NABP1: variants seen among roughly 807,000 people sequenced by gnomAD.
NABP1 encodes the protein SOSS complex subunit B2.
NABP1 carries 18 observed loss-of-function variants against 25.0 expected under a neutral mutation model. The ratio of observed to expected loss-of-function variants is 0.72; its 90% confidence interval spans 0.50 to 1.07. NABP1 has a LOEUF of 1.07. Among genes scored for constraint, NABP1 ranks in the 50% least tolerant of loss-of-function variants. NABP1 has a pLI of 0.00. For missense variants in NABP1, 270 were observed against 255.6 expected (o/e 1.06, Z -0.39); for synonymous variants, 71 against 85.0 (o/e 0.84, Z 0.91).
chr2:191,686,850 CTT>C lies in NABP1; in HGVS notation c.*1083_*1084del. 6.5e-6 allele frequency: 1 copy of C among 152,776 alleles called. No homozygotes were observed. Among genetic ancestry groups the C allele is most frequent in the South Asian group, 2.1e-4 (1 of 4,826 alleles). The allele number at this position is 152,776 out of a possible 1,614,324, so 9.5% of individuals were successfully genotyped here. A position where few individuals can be genotyped will look rare whatever the true frequency, so the allele number is the denominator to read the frequency against. ...ATGTACATGTCATAAGTGGTACCCA[CTT>C]CCCCTTTTTACTGTAGGGTGGATAA... is the stretch of plus-strand genomic sequence containing the variant. On this transcript the variant is annotated 3_prime_UTR_variant, in exon 6 of 6. Coordinates refer to ENST00000425611, the MANE Select transcript of NABP1 (RefSeq NM_001031716.5).
Position 191,685,694 on chromosome 2 carries a change from G to A in NABP1, c.541G>A (p.Gly181Arg). 6.2e-7 allele frequency: 1 copy of A among 1,614,032 alleles called. No homozygotes were observed. The highest frequency in any genetic ancestry group is 1.3e-5 in the African/African-American group (1 of 75,022). Residue 181 changes from glycine to arginine, a missense_variant, in exon 6 of 6, where the codon GGA (glycine) becomes AGA (arginine). Physicochemically the swap from Gly to Arg is moderately radical, Grantham distance 125. Transcript: ENST00000425611. The stretch of plus-strand genomic sequence containing the variant: ...GGGACTTATAAATCCACAACTACAA[G>A]GAACAGCTAGTAATCAAACAGTGAT... ...GRGLINPQLQ[G>R]TASNQTVMTT...
Position 191,685,731 on chromosome 2 carries a change from G to C in NABP1, c.578G>C (p.Ser193Thr). The change falls in exon 6 of 6, where the codon AGT becomes ACT. Residue 193 changes from serine (S) to threonine (T), a missense_variant. Ser to Thr is a moderately conservative substitution (Grantham distance 58). Coordinates refer to ENST00000425611, the MANE Select transcript of NABP1 (RefSeq NM_001031716.5). ...ASNQTVMTTI[S>T]NGRDPRRAFK... The stretch of plus-strand genomic sequence containing the variant: ...AATCAAACAGTGATGACCACAATAA[G>C]TAATGGCAGGGACCCTCGGAGAGCC... 2.5e-6 allele frequency: 4 copies of C among 1,614,100 alleles called. No individual in the cohort carries two copies. The highest frequency in any genetic ancestry group is 3.4e-6 in the Non-Finnish European group (4 of 1,179,994).
chr2:191,680,861 A>G (rs1687668218), intron 2 of NABP1, among the ~76,000 whole-genome samples: 3 of 152,176 alleles, frequency 2.0e-5, no homozygotes, highest in Admixed American at 1.3e-4. Context: ...TACCAAAACA[A>G]CACACTCAGC....
intron 2 of NABP1, among the ~76,000 whole-genome samples, 198 bp from the exon 3 acceptor site, chr2:191,681,748 G>A (rs1020354101): frequency 1.3e-5 from 2 of 152,022 alleles, no homozygotes; most frequent in South Asian, 2.1e-4. Flanking sequence ...GTCAAAATTC[G>A]ACAGAATTTT....
Position 191,685,610 on chromosome 2 carries a change from C to T in NABP1, c.457C>T (p.His153Tyr), listed in dbSNP as rs1323748239. 1.2e-6 allele frequency: 2 copies of T among 1,611,898 alleles called. No individual in the cohort carries two copies. Among genetic ancestry groups the T allele is most frequent in the Non-Finnish European group, 8.5e-7 (1 of 1,178,830 alleles). The change falls in exon 6 of 6, where the codon CAC becomes TAC. Residue 153 changes from histidine to tyrosine, a missense_variant. Physicochemically the swap from His to Tyr is moderately conservative, Grantham distance 83. Transcript: ENST00000425611. Reference protein sequence around the residue: ...GTFGPVGNGVHTGPESREHQF... With the variant: ...GTFGPVGNGVYTGPESREHQF... Reference sequence around the variant, plus strand: ...GTATTCTTTTTTAGGAAATGGTGTTCACACTGGCCCTGAATCAAGGGAACA... The same window carrying T: ...GTATTCTTTTTTAGGAAATGGTGTTTACACTGGCCCTGAATCAAGGGAACA...
Position 191,686,374 on chromosome 2 carries a change from T to C in NABP1, c.*606T>C, listed in dbSNP as rs1052451829. ...AGAATGTGATCTCTATTGCAACAAGTAATTTTAAAAGAAAGCTACATTTAT... is the reference window on the plus strand; with the variant it reads ...AGAATGTGATCTCTATTGCAACAAGCAATTTTAAAAGAAAGCTACATTTAT... On this transcript the variant is annotated 3_prime_UTR_variant, in exon 6 of 6. Coordinates refer to ENST00000425611, the MANE Select transcript of NABP1 (RefSeq NM_001031716.5). 6.6e-6 allele frequency: 1 copy of C among 152,234 alleles called. No individual in the cohort carries two copies. Among genetic ancestry groups the C allele is most frequent in the Non-Finnish European group, 1.5e-5 (1 of 68,044 alleles). The allele number at this position is 152,234 out of a possible 1,614,324, so 9.4% of individuals were successfully genotyped here. A position where few individuals can be genotyped will look rare whatever the true frequency, so the allele number is the denominator to read the frequency against.
chr2:191,680,686 T>G (rs1051606805), intron 2 of NABP1, among the ~76,000 whole-genome samples: 12 of 152,316 alleles, frequency 7.9e-5, no homozygotes, highest in African/African-American at 2.6e-4. Flanking sequence ...ACTTATTAGT[T>G]AGGTACTATA....
chr2:191,685,931 T>A lies in NABP1; in HGVS notation c.*163T>A. On this transcript the variant is annotated 3_prime_UTR_variant, in exon 6 of 6. Transcript: ENST00000425611. ...TGGTTTGTTTTTATAGCAAAACTGT[T>A]AAGCTGCTCGAGTCTCCTGTTGAAG... 1 of 611,858 alleles carries A rather than the reference T, an allele frequency of 1.6e-6. No individual in the cohort carries two copies. 37.9% of individuals were successfully genotyped at this position (611,858 alleles called of 1,614,324 possible).
chr2:191,678,557 G>A lies in NABP1; in HGVS notation c.-58G>A. ...CGCCCCTGTCCCGGGAGGGTGGGAA[G>A]CTTTGACCCCGCCCTGCCCACTCGC... is the stretch of plus-strand genomic sequence containing the variant. On this transcript the variant is annotated 5_prime_UTR_variant, in exon 1 of 6. Coordinates refer to ENST00000425611, the MANE Select transcript of NABP1 (RefSeq NM_001031716.5). 1 of 1,325,178 alleles carries A rather than the reference G, an allele frequency of 7.5e-7. No individual in the cohort carries two copies. The highest frequency in any genetic ancestry group is 1.1e-6 in the Non-Finnish European group (1 of 938,446). 82.1% of individuals were successfully genotyped at this position (1,325,178 alleles called of 1,614,324 possible). A position where few individuals can be genotyped will look rare whatever the true frequency, so the allele number is the denominator to read the frequency against.
Position 191,678,447 on chromosome 2 carries a change from T to A in NABP1, c.-168T>A. On this transcript the variant is annotated 5_prime_UTR_variant, in exon 1 of 6. Coordinates refer to ENST00000425611, the MANE Select transcript of NABP1 (RefSeq NM_001031716.5). ...TTTTTTCTTTTTTTAGGCTCAGTGC[T>A]GTCCGGGCTGGTTTGCCCGGTCCCT... is the stretch of plus-strand genomic sequence containing the variant. 3.0e-6 allele frequency: 1 copy of A among 331,190 alleles called. No individual in the cohort carries two copies. 20.5% of individuals were successfully genotyped at this position (331,190 alleles called of 1,614,324 possible). A position where few individuals can be genotyped will look rare whatever the true frequency, so the allele number is the denominator to read the frequency against.
In NABP1 at chr2:191,685,598, G is replaced by T. The variant is rs755180948; in HGVS notation, c.446-1G>T. On this transcript the variant is annotated splice_acceptor_variant, in intron 5 of 5. Coordinates refer to ENST00000425611, the MANE Select transcript of NABP1 (RefSeq NM_001031716.5). LOFTEE classifies it high-confidence loss of function. ...TGATGAATTTTTGTATTCTTTTTTA[G>T]GAAATGGTGTTCACACTGGCCCTGA... The T allele has an allele frequency of 2.5e-6, 4 of 1,606,536 alleles. No homozygotes were observed. Among genetic ancestry groups the T allele is most frequent in the Non-Finnish European group, 3.4e-6 (4 of 1,175,914 alleles).
rs1166368519 is a variant in NABP1 at position 191,686,644 on chromosome 2, GTTAC to G, written c.*880_*883del. The G allele has an allele frequency of 6.6e-6, 1 of 152,188 alleles. No individual in the cohort carries two copies. Among genetic ancestry groups the G allele is most frequent in the Non-Finnish European group, 1.5e-5 (1 of 68,034 alleles). 9.4% of individuals were successfully genotyped at this position (152,188 alleles called of 1,614,324 possible). A position where few individuals can be genotyped will look rare whatever the true frequency, so the allele number is the denominator to read the frequency against. On this transcript the variant is annotated 3_prime_UTR_variant, in exon 6 of 6. Transcript: ENST00000425611. ...TAGTAACATGCAGTCTGAAGTCCTA[GTTAC>G]TTAATAGGTACTCAGCCTGGAGTGA...
intron 3 of NABP1, chr2:191,682,231 GAGC>G (rs1558986457): frequency 7.1e-6 from 3 of 422,954 alleles, no homozygotes; most frequent in African/African-American, 6.2e-5. Context: ...TCCTGGCAAA[GAGC>G]AGTAGAAGAA....
At chr2:191,679,184 G>A (rs1276990821) in intron 2 of NABP1, 56 bp downstream of exon 2, 2 of 1,606,632 alleles carry the variant, frequency 1.2e-6, no homozygotes, top group Non-Finnish European at 1.7e-6. Flanking sequence ...GGATTGGCCG[G>A]CTCCTGGGAT....
intron 3 of NABP1, chr2:191,682,638 A>G (rs1687718625): frequency 2.1e-6 from 1 of 467,686 alleles, no homozygotes; most frequent in Non-Finnish European, 4.4e-6. Context: ...GGTTGTATTC[A>G]TAAAGTATGG....
In NABP1 at chr2:191,683,917, C is replaced by G; in HGVS notation, c.378+113C>G. 1.2e-6 allele frequency: 1 copy of G among 853,098 alleles called. No individual in the cohort carries two copies. The highest frequency in any genetic ancestry group is 1.8e-6 in the Non-Finnish European group (1 of 548,632). 52.8% of individuals were successfully genotyped at this position (853,098 alleles called of 1,614,324 possible). ...AAAGAAGATAATTTTTAAAAGGATA[C>G]TTAATTTTTATTGTATGTTTTGTGA... On this transcript the variant is annotated intron_variant, in intron 4 of 5. Coordinates refer to ENST00000425611, the MANE Select transcript of NABP1 (RefSeq NM_001031716.5). This position sits in a 1 kb window ranked among gnomAD's most constrained non-coding sequence, Gnocchi z 4.1.
rs896273942 is a variant in NABP1, at chr2:191,683,315, G to C, written c.303-414G>C. On this transcript the variant is annotated intron_variant, in intron 3 of 5. Coordinates refer to ENST00000425611, the MANE Select transcript of NABP1 (RefSeq NM_001031716.5). The surrounding 1 kb of genome is among the most constrained non-coding windows in gnomAD (Gnocchi z 4.1). ...ATCCACAGTGATCGATCAAAAGAGG[G>C]ACTGAATGGGAGTGGGTGAATGGAT... 28 of 214,864 alleles carry C rather than the reference G, an allele frequency of 1.3e-4. No homozygotes were observed. Among genetic ancestry groups the C allele is most frequent in the Admixed American group, 1.1e-4 (2 of 18,492 alleles). The allele number at this position is 214,864 out of a possible 1,614,324, so 13.3% of individuals were successfully genotyped here. A position where few individuals can be genotyped will look rare whatever the true frequency, so the allele number is the denominator to read the frequency against.
chr2:191,679,857 T>G (rs1328599332), intron 2 of NABP1, among the ~76,000 whole-genome samples: 1 of 152,224 alleles, frequency 6.6e-6, no homozygotes, highest in African/African-American at 2.4e-5. Context: ...TTTAGAAATG[T>G]GGACATAAAT....
At chr2:191,682,664 A>G (rs1160572887) in intron 3 of NABP1, 6 of 442,686 alleles carry the variant, frequency 1.4e-5, no homozygotes, top group Non-Finnish European at 2.3e-5. Flanking sequence ...GCAATGAGCC[A>G]AATCATCAGT....
Sources: allele counts gnomAD v4.1 joint callset (sites outside exome capture counted in the v4.1 genomes callset), GRCh38; gene constraint gnomAD v4.1.1; non-coding constraint Gnocchi (gnomAD v3.1); transcripts MANE v1.5; gene names NCBI Gene and HGNC (gene_info 2026-07-23, HGNC 2026-07-21).